The following RAB11FIP2 variants were observed in gnomAD, a reference collection of about 807,000 sequenced individuals.
RAB11FIP2 encodes RAB11 family interacting protein 2, also known as rab11 family-interacting protein 2.
Under a neutral mutation model 40.9 loss-of-function variants are expected in RAB11FIP2, and 16 were observed. That is an observed-to-expected ratio of 0.39 (90% CI 0.26 to 0.59). The LOEUF (loss-of-function observed/expected upper bound fraction) is 0.59, where lower values mean the gene tolerates loss of function less well. Ranked by LOEUF, RAB11FIP2 falls within the 20% of genes least tolerant of loss-of-function variation. The probability of loss-of-function intolerance (pLI) is 0.53; values close to 1 mark genes in which losing one functional copy is unlikely to be tolerated. For missense variants in RAB11FIP2, 532 were observed against 606.2 expected, an observed-to-expected ratio of 0.88 and a Z score of 1.28; for synonymous variants, 228 against 213.7, an observed-to-expected ratio of 1.07 and a Z score of -0.58.
At chr10:118,023,496 C>T (rs1468873285) in intron 3 of RAB11FIP2, among the ~76,000 whole-genome samples, 1 of 151,928 alleles carries the variant, frequency 6.6e-6, no homozygotes, top group Admixed American at 6.6e-5. Context: ...GGCATGTACA[C>T]CAAAACCTCG....
intron 4 of RAB11FIP2, among the ~76,000 whole-genome samples, chr10:118,012,989 G>C (rs937033853): frequency 3.3e-5 from 5 of 152,026 alleles, no homozygotes; most frequent in Non-Finnish European, 7.4e-5. Flanking sequence ...TTCTAACCCA[G>C]AATTTTAAAT....
intron 3 of RAB11FIP2, among the ~76,000 whole-genome samples, chr10:118,034,599 T>G (rs1846458511): frequency 6.6e-6 from 1 of 152,092 alleles, no homozygotes; most frequent in African/African-American, 2.4e-5. Context: ...CTTCGCAAAT[T>G]GTGTGATAAA....
intron 3 of RAB11FIP2, among the ~76,000 whole-genome samples, chr10:118,016,520 CAT>C (rs1194941882): frequency 6.6e-6 from 1 of 152,180 alleles, no homozygotes; most frequent in East Asian, 1.9e-4. Flanking sequence ...GCTGCTAACA[CAT>C]GTGGTTTCCA....
intron 3 of RAB11FIP2, among the ~76,000 whole-genome samples, chr10:118,036,019 C>A (rs1846476863): frequency 6.6e-6 from 1 of 151,952 alleles, no homozygotes; most frequent in Non-Finnish European, 1.5e-5. Context: ...TTGTGGTTTC[C>A]AAAGTGCTTT....
In RAB11FIP2 at chr10:118,005,985, T is replaced by C. The variant is rs1162690281; in HGVS notation, c.*3013A>G. The C allele has an allele frequency of 2.6e-5, 4 of 152,588 alleles. No individual in the cohort carries two copies. Among genetic ancestry groups the C allele is most frequent in the Non-Finnish European group, 4.4e-5 (3 of 68,030 alleles). 9.5% of individuals were successfully genotyped at this position (152,588 alleles called of 1,614,324 possible). A position where few individuals can be genotyped will look rare whatever the true frequency, so the allele number is the denominator to read the frequency against. The stretch of plus-strand genomic sequence containing the variant: ...AATCTTGATTTACCACCAAAAGCAA[T>C]AGATGTAGTTATGTATAATCTATAG... On this transcript the variant is annotated 3_prime_UTR_variant, in exon 5 of 5. Transcript: ENST00000355624.
At chr10:118,020,744 T>A (rs1394531572) in intron 3 of RAB11FIP2, among the ~76,000 whole-genome samples, 1 of 152,228 alleles carries the variant, frequency 6.6e-6, no homozygotes, top group East Asian at 1.9e-4. Context: ...ACCTCCCCAC[T>A]AAACTTCCCT....
chr10:118,018,907 T>C (rs931301147), intron 3 of RAB11FIP2, among the ~76,000 whole-genome samples: 7 of 152,162 alleles, frequency 4.6e-5, no homozygotes, highest in African/African-American at 1.7e-4. Flanking sequence ...GGGTTTTTTT[T>C]GTTTTTTTGT....
intron 3 of RAB11FIP2, among the ~76,000 whole-genome samples, chr10:118,038,004 TA>T (rs1846504189): frequency 6.6e-6 from 1 of 152,068 alleles, no homozygotes; most frequent in South Asian, 2.1e-4. Context: ...AAATCTGCAT[TA>T]TTTTTTCATT....
At chr10:118,039,555 T>C in intron 2 of RAB11FIP2, 115 bp from the exon 3 acceptor site, 1 of 864,522 alleles carries the variant, frequency 1.2e-6, no homozygotes, top group Non-Finnish European at 1.8e-6. Context: ...CACTTAAATG[T>C]ATTAACCTTC....
intron 3 of RAB11FIP2, among the ~76,000 whole-genome samples, chr10:118,032,202 T>C (rs775941061): frequency 2.6e-5 from 4 of 152,078 alleles, no homozygotes; most frequent in Non-Finnish European, 5.9e-5. Flanking sequence ...AGAATACACA[T>C]CATGGAATTT....
intron 3 of RAB11FIP2, among the ~76,000 whole-genome samples, chr10:118,031,572 A>G (rs1481740061): frequency 6.6e-6 from 1 of 152,068 alleles, no homozygotes; most frequent in Non-Finnish European, 1.5e-5. Flanking sequence ...AGAGGGGGAG[A>G]ATCAGGTAGA....
rs1564828413 is a variant in RAB11FIP2, at chr10:118,007,136, C to CG, written c.*1861_*1862insC. 1 of 144,844 alleles carries CG rather than the reference C, an allele frequency of 6.9e-6. No individual in the cohort carries two copies. Among genetic ancestry groups the CG allele is most frequent in the Admixed American group, 7.0e-5 (1 of 14,358 alleles). The allele number at this position is 144,844 out of a possible 1,614,324, so 9.0% of individuals were successfully genotyped here. A position where few individuals can be genotyped will look rare whatever the true frequency, so the allele number is the denominator to read the frequency against. ...AAAACAAATGCTGAGAATTTTGTAA[C>CG]ATTTAGTTAATTAAAAGTGGCACCA... On this transcript the variant is annotated 3_prime_UTR_variant, in exon 5 of 5. Transcript: ENST00000355624.
At chr10:118,045,599 G>T (rs1846618519) in intron 1 of RAB11FIP2, 1 of 504,352 alleles carries the variant, frequency 2.0e-6, no homozygotes, top group Non-Finnish European at 3.5e-6. Flanking sequence ...ATGTTTAACA[G>T]AAAGAATAAG....
At chr10:118,011,145 A>G (rs1846149787) in intron 4 of RAB11FIP2, among the ~76,000 whole-genome samples, 4 of 152,170 alleles carry the variant, frequency 2.6e-5, no homozygotes. Flanking sequence ...AGAGTTAGCA[A>G]GAATGAATAG....
At chr10:118,029,824 T>G (rs529360878) in intron 3 of RAB11FIP2, among the ~76,000 whole-genome samples, 2 of 152,274 alleles carry the variant, frequency 1.3e-5, no homozygotes, top group South Asian at 2.1e-4. Flanking sequence ...AACTCAAGAT[T>G]CATACTTCAG....
intron 3 of RAB11FIP2, chr10:118,018,147 T>C (rs1234634905): frequency 6.6e-6 from 1 of 152,242 alleles, no homozygotes; most frequent in Non-Finnish European, 1.5e-5. Flanking sequence ...CCCTCCCTTG[T>C]GGTCTGCTTT....
Position 118,007,611 on chromosome 10 carries a change from T to C in RAB11FIP2, c.*1387A>G, listed in dbSNP as rs1412726868. On this transcript the variant is annotated 3_prime_UTR_variant, in exon 5 of 5. Coordinates refer to ENST00000355624, the MANE Select transcript of RAB11FIP2 (RefSeq NM_014904.3). The stretch of plus-strand genomic sequence containing the variant: ...CATTTTAAATTCAGAAAGACATAGA[T>C]ACTCTCAGTGTTTTATAGTATTTCA... 22 of 152,058 alleles carry C rather than the reference T, an allele frequency of 1.4e-4. No homozygotes were observed. The highest frequency in any genetic ancestry group is 1.0e-4 in the Non-Finnish European group (7 of 67,958). The allele number at this position is 152,058 out of a possible 1,614,324, so 9.4% of individuals were successfully genotyped here. A position where few individuals can be genotyped will look rare whatever the true frequency, so the allele number is the denominator to read the frequency against.
intron 3 of RAB11FIP2, among the ~76,000 whole-genome samples, chr10:118,030,275 C>G (rs926608465): frequency 6.6e-6 from 1 of 152,118 alleles, no homozygotes; most frequent in Non-Finnish European, 1.5e-5. Flanking sequence ...TTACAATAGT[C>G]AGTGCACTGG....
At chr10:118,032,900 T>C (rs1361419766) in intron 3 of RAB11FIP2, among the ~76,000 whole-genome samples, 1 of 152,088 alleles carries the variant, frequency 6.6e-6, no homozygotes, top group African/African-American at 2.4e-5. Context: ...TCAGGTCGCC[T>C]ATTGCAGTAT....
Sources: gnomAD v4.1 joint callset for allele counts (sites outside exome capture counted in the v4.1 genomes callset) on GRCh38, gnomAD v4.1.1 for gene constraint, MANE v1.5 for transcripts, NCBI Gene and HGNC (gene_info 2026-07-23, HGNC 2026-07-21) for gene names.